The following PCDH15 variants were observed in gnomAD, a reference collection of about 807,000 sequenced individuals.
PCDH15 encodes the protein protocadherin-15.
Under a neutral mutation model 178.5 loss-of-function variants are expected in PCDH15, and 129 were observed. The ratio of observed to expected loss-of-function variants is 0.72; its 90% CI spans 0.63 to 0.84. The LOEUF is 0.84. Among genes scored for constraint, PCDH15 ranks in the 40% least tolerant of loss-of-function variants. PCDH15 has a pLI of 0.00. For missense variants in PCDH15, 2,230 were observed against 2,099.9 expected, an observed-to-expected ratio of 1.06 and a Z score of -1.21; for synonymous variants, 800 against 732.0, an observed-to-expected ratio of 1.09 and a Z score of -1.50.
chr10:54,784,282 T>G (rs1201070678), intron 1 of PCDH15, among the ~76,000 whole-genome samples: 1 of 150,802 alleles, frequency 6.6e-6, no homozygotes, highest in South Asian at 2.1e-4. Context: ...CACCTAAAGC[T>G]ACTGAAATTT....
intron 21 of PCDH15, among the ~76,000 whole-genome samples, chr10:53,979,302 G>A (rs1389233154): frequency 6.6e-6 from 1 of 152,114 alleles, no homozygotes; most frequent in African/African-American, 2.4e-5. Flanking sequence ...TGAAGTAAGG[G>A]AAAAATCCCT....
chr10:54,365,453 A>T (rs1169675124), intron 5 of PCDH15, among the ~76,000 whole-genome samples: 1 of 152,140 alleles, frequency 6.6e-6, no homozygotes, highest in African/African-American at 2.4e-5. Context: ...AAAATAAATA[A>T]ATATTGACTG....
intron 3 of PCDH15, among the ~76,000 whole-genome samples, chr10:54,447,674 G>T (rs545111177): frequency 8.6e-5 from 13 of 151,748 alleles, no homozygotes; most frequent in African/African-American, 3.1e-4. Flanking sequence ...AGCTTATAAA[G>T]GGTCAAATGG....
intron 2 of PCDH15, among the ~76,000 whole-genome samples, chr10:54,973,307 T>C (rs1838983747): frequency 1.3e-5 from 2 of 152,200 alleles, no homozygotes; most frequent in South Asian, 4.1e-4. Flanking sequence ...TATTTATAGA[T>C]ATGGAAAATC....
chr10:54,689,919 C>A (rs917424895), intron 1 of PCDH15, among the ~76,000 whole-genome samples: 5 of 152,112 alleles, frequency 3.3e-5, no homozygotes, highest in African/African-American at 1.2e-4. Context: ...GGGGCATGTT[C>A]TTGAAGGAAT....
intron 1 of PCDH15, among the ~76,000 whole-genome samples, chr10:54,714,749 C>A (rs1328207205): frequency 6.6e-6 from 1 of 152,132 alleles, no homozygotes; most frequent in Non-Finnish European, 1.5e-5. Flanking sequence ...GATATATTTT[C>A]AAACTTCACA....
At chr10:54,726,425 T>TGTGG (rs1206504328) in intron 1 of PCDH15, among the ~76,000 whole-genome samples, 57 of 76,960 alleles carry the variant, frequency 7.4e-4, no homozygotes, top group African/African-American at 3.2e-3. Flanking sequence ...CAGGGGTGTG[T>TGTGG]GTGTGTGTGT....
chr10:54,892,042 A>G (rs1184294864), intron 3 of PCDH15, among the ~76,000 whole-genome samples: 1 of 152,098 alleles, frequency 6.6e-6, no homozygotes, highest in Non-Finnish European at 1.5e-5. Context: ...TCTGAGTTAT[A>G]CAATACCTGA....
chr10:55,192,364 A>G (rs750540668), intron 1 of PCDH15, among the ~76,000 whole-genome samples: 2 of 151,934 alleles, frequency 1.3e-5, no homozygotes, highest in Non-Finnish European at 2.9e-5. Context: ...TCCTACAGTG[A>G]CCTAGAAGAC....
chr10:54,786,284 T>C (rs1209108129), intron 1 of PCDH15, among the ~76,000 whole-genome samples: 3 of 152,140 alleles, frequency 2.0e-5, no homozygotes, highest in East Asian at 1.9e-4. Context: ...GAATGAATCA[T>C]ATATGACATA....
intron 2 of PCDH15, among the ~76,000 whole-genome samples, chr10:55,596,602 G>A (rs1391426076): frequency 2.6e-5 from 4 of 151,874 alleles, no homozygotes; most frequent in Non-Finnish European, 5.9e-5. Context: ...AATATTCAAA[G>A]TATTAAAAAA....
chr10:54,694,999 C>T (rs533662798), intron 1 of PCDH15, among the ~76,000 whole-genome samples: 4 of 150,986 alleles, frequency 2.6e-5, no homozygotes, highest in Admixed American at 1.3e-4. Context: ...TCAAAAAGTG[C>T]TACTTCAGTG....
intron 3 of PCDH15, among the ~76,000 whole-genome samples, chr10:54,867,603 G>C (rs929445865): frequency 2.0e-5 from 3 of 151,988 alleles, no homozygotes; most frequent in African/African-American, 7.3e-5. Flanking sequence ...GAAGATATGG[G>C]TTCTTGCACA....
At chr10:54,434,299 A>G (rs1473770439) in intron 3 of PCDH15, among the ~76,000 whole-genome samples, 1 of 152,206 alleles carries the variant, frequency 6.6e-6, no homozygotes, top group East Asian at 1.9e-4. Flanking sequence ...TAAAGTCTAC[A>G]GTAATGTACA....
intron 2 of PCDH15, among the ~76,000 whole-genome samples, chr10:54,934,499 C>G (rs2131856467): frequency 6.6e-6 from 1 of 152,130 alleles, no homozygotes; most frequent in African/African-American, 2.4e-5. Context: ...CACTGGCCAT[C>G]AGAGAAATGC....
intron 3 of PCDH15, among the ~76,000 whole-genome samples, chr10:54,457,594 T>G (rs1338721490): frequency 6.6e-6 from 1 of 152,178 alleles, no homozygotes; most frequent in Non-Finnish European, 1.5e-5. Flanking sequence ...TTTATTTTTT[T>G]TCTTCTGGTA....
At chr10:54,543,890 A>T (rs1467539702) in intron 2 of PCDH15, among the ~76,000 whole-genome samples, 2 of 152,170 alleles carry the variant, frequency 1.3e-5, no homozygotes, top group East Asian at 3.9e-4. Flanking sequence ...GTCCCAATGC[A>T]CTTTCTCTAA....
At chr10:54,075,400 A>T (rs544872418) in intron 17 of PCDH15, among the ~76,000 whole-genome samples, 2,239 of 152,080 alleles carry the variant, frequency 0.015, 54 homozygotes, top group African/African-American at 0.051. Flanking sequence ...AAAGATCTAT[A>T]TATTTTGAAT....
intron 3 of PCDH15, among the ~76,000 whole-genome samples, chr10:54,464,039 G>T (rs1049261469): frequency 6.6e-6 from 1 of 152,030 alleles, no homozygotes; most frequent in Admixed American, 6.6e-5. Context: ...GGGGTTTGTG[G>T]CGGTTTAGGA....
Sources: gnomAD v4.1 joint callset for allele counts (sites outside exome capture counted in the v4.1 genomes callset) on GRCh38, gnomAD v4.1.1 for gene constraint, MANE v1.5 for transcripts, NCBI Gene and HGNC (gene_info 2026-07-23, HGNC 2026-07-21) for gene names.